IGSF21: variants seen among roughly 807,000 people sequenced by gnomAD.
IGSF21 encodes immunoglobulin superfamily member 21.
Under a neutral mutation model 46.8 loss-of-function variants are expected in IGSF21, and 28 were observed. That is an observed-to-expected ratio of 0.60 (90% CI 0.44 to 0.82). The LOEUF is 0.82. IGSF21 is among the 40% of genes least tolerant of loss of function. IGSF21 has a pLI of 0.00. For synonymous variants in IGSF21, 284 were observed against 273.6 expected (o/e 1.04, Z -0.38); for missense variants, 624 against 665.5 (o/e 0.94, Z 0.69).
rs2085048475 is a variant in IGSF21, at chr1:18,272,118, T to TCTTC, written c.184-19746_184-19743dup. Among the ~76,000 whole-genome samples, 3 of 152,264 alleles carry TCTTC rather than the reference T, an allele frequency of 2.0e-5. No individual in the cohort carries two copies. In the South Asian group the frequency reaches 6.2e-4, roughly 32 times the overall value. On this transcript the variant is annotated intron_variant, in intron 2 of 9. Transcript: ENST00000251296. ...ATCATGGCAGAAGGTGAAAGGCAAG[T>TCTTC]CTTCCATGGCAGCAGACAAGAGAGA... is the stretch of plus-strand genomic sequence containing the variant.
intron 2 of IGSF21, among the ~76,000 whole-genome samples, chr1:18,232,500 A>C (rs2084638068): frequency 6.6e-6 from 1 of 152,140 alleles, no homozygotes; most frequent in Non-Finnish European, 1.5e-5. Flanking sequence ...TTTTCACTGA[A>C]AGGTAGATAC....
At chr1:18,244,155 C>T (rs192930925) in intron 2 of IGSF21, among the ~76,000 whole-genome samples, 1 of 152,354 alleles carries the variant, frequency 6.6e-6, no homozygotes, top group East Asian at 1.9e-4. Flanking sequence ...TTGCAAATGT[C>T]GTTTCTCAGG....
chr1:18,175,643 T>C (rs1011376686), intron 1 of IGSF21, among the ~76,000 whole-genome samples: 1 of 152,094 alleles, frequency 6.6e-6, no homozygotes, highest in Non-Finnish European at 1.5e-5. Context: ...CAGTCCCTTA[T>C]AAGGGGTCCC....
At chr1:18,318,897 G>T (rs146682076) in intron 3 of IGSF21, among the ~76,000 whole-genome samples, 1 of 152,186 alleles carries the variant, frequency 6.6e-6, no homozygotes, top group East Asian at 1.9e-4. Context: ...TTTTATACCG[G>T]TTATTCCCAA....
chr1:18,367,080 T>C (rs1376487521), intron 6 of IGSF21, among the ~76,000 whole-genome samples: 1 of 152,156 alleles, frequency 6.6e-6, no homozygotes, highest in Non-Finnish European at 1.5e-5. Context: ...CCTGGGCTCA[T>C]ACTCCAAAAC....
At chr1:18,194,091 G>A (rs542279980) in intron 1 of IGSF21, among the ~76,000 whole-genome samples, 17 of 152,154 alleles carry the variant, frequency 1.1e-4, no homozygotes, top group Non-Finnish European at 2.4e-4. Flanking sequence ...GTGAATTTAG[G>A]ATAATAGGAA....
chr1:18,117,376 C>T (rs1256515662), intron 1 of IGSF21, among the ~76,000 whole-genome samples: 4 of 152,142 alleles, frequency 2.6e-5, no homozygotes, highest in East Asian at 1.9e-4. Context: ...AGGAGGAGCG[C>T]GGTCCTGGGG....
intron 3 of IGSF21, among the ~76,000 whole-genome samples, chr1:18,304,130 A>G (rs1055202787): frequency 2.0e-4 from 31 of 152,136 alleles, no homozygotes; most frequent in African/African-American, 7.0e-4. Context: ...CCAGAAAGTG[A>G]GAGAGAAGTT....
intron 1 of IGSF21, among the ~76,000 whole-genome samples, chr1:18,179,708 G>T (rs1040609481): frequency 6.6e-6 from 1 of 152,134 alleles, no homozygotes. Context: ...CGGCTTGGGG[G>T]TGAGGGTCTC....
intron 2 of IGSF21, among the ~76,000 whole-genome samples, chr1:18,240,175 AGAGGCT>A (rs2084713046): frequency 6.6e-6 from 1 of 152,182 alleles, no homozygotes; most frequent in Admixed American, 6.5e-5. Flanking sequence ...CAGCTACTCA[AGAGGCT>A]GAGGTGGGAG....
At chr1:18,128,953 GC>G (rs1335984121) in intron 1 of IGSF21, among the ~76,000 whole-genome samples, 5 of 152,132 alleles carry the variant, frequency 3.3e-5, no homozygotes, top group Non-Finnish European at 7.3e-5. Flanking sequence ...GTGGCCTGGA[GC>G]CCACAGAGTA....
chr1:18,120,405 C>A (rs2086224838), intron 1 of IGSF21, among the ~76,000 whole-genome samples: 1 of 152,170 alleles, frequency 6.6e-6, no homozygotes, highest in African/African-American at 2.4e-5. Context: ...TGGTGCCACC[C>A]ATTGATCAAA....
At chr1:18,202,196 C>A (rs571612664) in intron 1 of IGSF21, among the ~76,000 whole-genome samples, 20 of 152,296 alleles carry the variant, frequency 1.3e-4, no homozygotes, top group Non-Finnish European at 2.5e-4. Context: ...GCTGTAAACA[C>A]CCATATTTTC....
intron 3 of IGSF21, among the ~76,000 whole-genome samples, chr1:18,333,575 C>A (rs1274025254): frequency 3.3e-5 from 5 of 152,168 alleles, no homozygotes; most frequent in Admixed American, 2.0e-4. Context: ...AAAATGGAGT[C>A]TCCAGGAGAG....
At chr1:18,305,761 C>CAGACTT (rs2085419903) in intron 3 of IGSF21, among the ~76,000 whole-genome samples, 1 of 152,180 alleles carries the variant, frequency 6.6e-6, no homozygotes, top group Non-Finnish European at 1.5e-5. Context: ...AAAATATGTA[C>CAGACTT]CATTGCCTCT....
At chr1:18,132,910 G>C (rs2086334647) in intron 1 of IGSF21, among the ~76,000 whole-genome samples, 1 of 141,916 alleles carries the variant, frequency 7.0e-6, no homozygotes, top group Non-Finnish European at 1.5e-5. Flanking sequence ...TGAGCAGGTG[G>C]AGGGAGTGGG....
chr1:18,278,333 A>C (rs1368155185), intron 2 of IGSF21, among the ~76,000 whole-genome samples: 1 of 151,634 alleles, frequency 6.6e-6, no homozygotes, highest in East Asian at 1.9e-4. Context: ...TCTGACTCCC[A>C]GGTTCAAGCA....
intron 5 of IGSF21, among the ~76,000 whole-genome samples, chr1:18,362,777 A>G (rs1241256530): frequency 6.6e-6 from 1 of 152,170 alleles, no homozygotes; most frequent in Admixed American, 6.5e-5. Context: ...TGACCAACTT[A>G]TTAGACCCAA....
At chr1:18,226,540 C>T (rs1158155815) in intron 1 of IGSF21, among the ~76,000 whole-genome samples, 1 of 152,214 alleles carries the variant, frequency 6.6e-6, no homozygotes, top group Non-Finnish European at 1.5e-5. Flanking sequence ...TTACAGGCCT[C>T]CCTGGAGTGA....
Sources: allele counts gnomAD v4.1 joint callset (sites outside exome capture counted in the v4.1 genomes callset), GRCh38; gene constraint gnomAD v4.1.1; transcripts MANE v1.5; gene names NCBI Gene and HGNC (gene_info 2026-07-23, HGNC 2026-07-21).